The following MPP7 variants were observed in gnomAD, a reference collection of about 807,000 sequenced individuals.
MPP7 encodes the protein MAGUK p55 scaffold protein 7.
MPP7 carries 60 observed loss-of-function variants against 76.5 expected under a neutral mutation model. The ratio of observed to expected loss-of-function variants is 0.78; its 90% CI spans 0.64 to 0.97. The LOEUF (loss-of-function observed/expected upper bound fraction) is 0.97, where lower values mean the gene tolerates loss of function less well. Ranked by LOEUF, MPP7 falls within the 50% of genes least tolerant of loss-of-function variation. MPP7 has a pLI of 0.00. For synonymous variants in MPP7, 237 were observed against 244.5 expected (o/e 0.97, Z 0.29); for missense variants, 641 against 694.0 (o/e 0.92, Z 0.86).
At chr10:28,254,229 A>C (rs530245214) in intron 1 of MPP7, among the ~76,000 whole-genome samples, 4 of 152,270 alleles carry the variant, frequency 2.6e-5, no homozygotes, top group African/African-American at 9.6e-5. Context: ...AAGTTCTGAA[A>C]ATCTTGCTGA....
chr10:28,280,397 T>C (rs1345693545), intron 1 of MPP7, among the ~76,000 whole-genome samples: 1 of 152,082 alleles, frequency 6.6e-6, no homozygotes, highest in East Asian at 1.9e-4. Context: ...AAATGCTATG[T>C]AAATAGTTGT....
intron 3 of MPP7, among the ~76,000 whole-genome samples, chr10:28,164,827 G>A (rs1836392019): frequency 6.6e-6 from 1 of 152,140 alleles, no homozygotes; most frequent in South Asian, 2.1e-4. Context: ...GCTGAGGGAT[G>A]AAGAATAAGA....
intron 11 of MPP7, among the ~76,000 whole-genome samples, chr10:28,099,736 G>A (rs1052405573): frequency 6.6e-6 from 1 of 152,094 alleles, no homozygotes. Flanking sequence ...GAACCCAGGA[G>A]GCAGAGGTTG....
At chr10:28,192,967 G>A (rs1282868979) in intron 3 of MPP7, among the ~76,000 whole-genome samples, 6 of 152,176 alleles carry the variant, frequency 3.9e-5, no homozygotes, top group African/African-American at 7.2e-5. Flanking sequence ...CACAGATATA[G>A]AAGCTAATCT....
At position 28,073,314 on chromosome 10, in the gene MPP7, C is replaced by T. The variant is rs565481915; in HGVS notation, c.1124-3462G>A. Among the ~76,000 whole-genome samples, 13 of 152,252 alleles carry T rather than the reference C, an allele frequency of 8.5e-5. No homozygotes were observed. In the East Asian group the frequency reaches 1.9e-3, roughly 23 times the overall value. ...AATACCCCTGTTTTGCCTCCTGTCC[C>T]GAAACAGCCTTTTATCTGCCTTACA... On this transcript the variant is annotated intron_variant, in intron 12 of 16. Coordinates refer to ENST00000683449, the MANE Select transcript of MPP7 (RefSeq NM_001318170.2).
chr10:28,197,534 T>C (rs1281745455), intron 3 of MPP7, among the ~76,000 whole-genome samples: 2 of 152,078 alleles, frequency 1.3e-5, no homozygotes, highest in African/African-American at 4.8e-5. Flanking sequence ...AGATACCAAA[T>C]CCTCCATGAA....
chr10:28,238,453 G>T, intron 2 of MPP7, 115 bp downstream of exon 2: 2 of 1,091,954 alleles, frequency 1.8e-6, no homozygotes, highest in Non-Finnish European at 2.7e-6. Context: ...CCCTAGTGTT[G>T]GTGACAGAAA....
intron 12 of MPP7, among the ~76,000 whole-genome samples, chr10:28,088,453 ACTCT>A (rs756648677): frequency 6.0e-5 from 9 of 149,492 alleles, no homozygotes; most frequent in Admixed American, 3.3e-4. Flanking sequence ...TGTCGCTCTC[ACTCT>A]CTCTCTCCCC....
intron 3 of MPP7, among the ~76,000 whole-genome samples, chr10:28,179,399 G>A (rs1022849313): frequency 6.6e-6 from 1 of 152,038 alleles, no homozygotes. Context: ...TAAGACCACC[G>A]TGTCTGTTTT....
intron 1 of MPP7, among the ~76,000 whole-genome samples, chr10:28,274,669 A>G (rs987291684): frequency 6.6e-6 from 1 of 152,166 alleles, no homozygotes; most frequent in East Asian, 1.9e-4. Context: ...TACACAGACT[A>G]AAGTATAGCA....
chr10:28,107,683 G>A (rs984953871), intron 11 of MPP7, among the ~76,000 whole-genome samples: 2 of 152,068 alleles, frequency 1.3e-5, no homozygotes, highest in African/African-American at 4.8e-5. Flanking sequence ...CTAGCTTTGC[G>A]AAAGGTGAAA....
At position 28,119,668 on chromosome 10, in the gene MPP7, A is replaced by G. The variant is rs772903890; in HGVS notation, c.935T>C (p.Val312Ala). Residue 312 changes from valine (V) to alanine (A), a missense_variant, in exon 11 of 17, where the codon GTT becomes GCT. By Grantham distance (64) the Val-to-Ala change is moderately conservative. Transcript: ENST00000683449. ...AAACTTACATGATTTCCTGTTGGAA[A>G]CTTTCAGGGGCTGAACCAATATTTC... ...RPEILVQPLK[V>A]SNRKSSGFRK... The G allele has an allele frequency of 4.3e-6, 7 of 1,613,530 alleles. No individual in the cohort carries two copies. Among genetic ancestry groups the G allele is most frequent in the Non-Finnish European group, 8.5e-7 (1 of 1,179,728 alleles).
chr10:28,083,732 T>A (rs1216296216), intron 12 of MPP7, among the ~76,000 whole-genome samples: 1 of 151,844 alleles, frequency 6.6e-6, no homozygotes, highest in Non-Finnish European at 1.5e-5. Flanking sequence ...GAGACAGGGT[T>A]TCACCATGTT....
At chr10:28,292,265 C>T (rs1233801861) in intron 1 of MPP7, among the ~76,000 whole-genome samples, 1 of 152,096 alleles carries the variant, frequency 6.6e-6, no homozygotes, top group Non-Finnish European at 1.5e-5. Context: ...GACGAAATCA[C>T]CTAATGACAC....
intron 1 of MPP7, among the ~76,000 whole-genome samples, chr10:28,333,054 G>A (rs1834485164): frequency 6.6e-6 from 1 of 152,126 alleles, no homozygotes; most frequent in South Asian, 2.1e-4. Flanking sequence ...GGGGACACAG[G>A]CTATGCTTAT....
At chr10:28,155,953 T>C (rs771870603) in intron 3 of MPP7, among the ~76,000 whole-genome samples, 8 of 152,156 alleles carry the variant, frequency 5.3e-5, no homozygotes, top group Non-Finnish European at 8.8e-5. Flanking sequence ...CTTCCAGCTA[T>C]TGTTTTCCTT....
chr10:28,112,528 ATG>A (rs1834536891), intron 11 of MPP7, among the ~76,000 whole-genome samples: 1 of 152,208 alleles, frequency 6.6e-6, no homozygotes, highest in African/African-American at 2.4e-5. Context: ...TTGCAAAAGA[ATG>A]TTTCTCCATA....
intron 11 of MPP7, 48 bp from the exon 12 acceptor site, chr10:28,089,889 G>T: frequency 7.7e-6 from 7 of 913,278 alleles, no homozygotes; most frequent in Non-Finnish European, 9.4e-6. Flanking sequence ...AACCAAAAAA[G>T]AAACCCTCAA....
rs993256149 is a variant in MPP7 at position 28,102,307 on chromosome 10, T to A, written c.953-12466A>T. Among the ~76,000 whole-genome samples, 9 of 152,254 alleles carry A rather than the reference T, an allele frequency of 5.9e-5. No homozygotes were observed. In the East Asian group the frequency reaches 1.4e-3, roughly 23 times the overall value. On this transcript the variant is annotated intron_variant, in intron 11 of 16. Coordinates refer to ENST00000683449, the MANE Select transcript of MPP7 (RefSeq NM_001318170.2). Reference sequence around the variant, plus strand: ...ACAGGTGTGCACCACTGCGCTTGGATTATTACAAAATTTTATGCAAACTAC... The same window carrying A: ...ACAGGTGTGCACCACTGCGCTTGGAATATTACAAAATTTTATGCAAACTAC...
Sources: allele counts gnomAD v4.1 joint callset (sites outside exome capture counted in the v4.1 genomes callset), GRCh38; gene constraint gnomAD v4.1.1; transcripts MANE v1.5; gene names NCBI Gene and HGNC (gene_info 2026-07-23, HGNC 2026-07-21).